Variants in HELLS observed in about 807,000 individuals in gnomAD.
HELLS encodes the protein helicase, lymphoid specific.
HELLS carries 32 observed loss-of-function variants against 120.0 expected under a neutral mutation model. The ratio of observed to expected loss-of-function variants is 0.27; its 90% CI spans 0.20 to 0.36. The LOEUF is 0.36. HELLS is among the 10% of genes least tolerant of loss of function. HELLS has a pLI of 1.00. For missense variants in HELLS, 650 were observed against 993.4 expected (o/e 0.65, Z 4.65); for synonymous variants, 341 against 323.4 (o/e 1.05, Z -0.58).
chr10:94,554,352 C>T (rs549650751), intron 3 of HELLS, 104 bp downstream of exon 3: 49 of 779,356 alleles, frequency 6.3e-5, no homozygotes, highest in South Asian at 5.5e-4. Context: ...TTTAAGTGTA[C>T]GGTTTGCTGA....
chr10:94,571,839 G>A lies in HELLS; in HGVS notation c.477+410G>A, dbSNP rs77410325. Among the ~76,000 whole-genome samples, 41 of 152,188 alleles carry A rather than the reference G, an allele frequency of 2.7e-4. No individual in the cohort carries two copies. The East Asian group carries it at 5.4e-3, about 20-fold the overall frequency. ...TTCTGTTTGAGAAGGCTTGATTTCC[G>A]AGCCACCTCTTCACTTAGCCCATTT... is the stretch of plus-strand genomic sequence containing the variant. On this transcript the variant is annotated intron_variant, in intron 7 of 21. Coordinates refer to ENST00000348459, the MANE Select transcript of HELLS (RefSeq NM_018063.5).
chr10:94,547,744 G>T (rs1186508218), intron 2 of HELLS, among the ~76,000 whole-genome samples: 2 of 152,136 alleles, frequency 1.3e-5, no homozygotes, highest in African/African-American at 4.8e-5. Context: ...GGAAACTGAG[G>T]CACATAGAGG....
chr10:94,571,476 C>T (rs1409974136), intron 7 of HELLS, 47 bp downstream of exon 7: 1 of 1,390,176 alleles, frequency 7.2e-7, no homozygotes, highest in Non-Finnish European at 1.0e-6. Context: ...CATATTTACT[C>T]CTCAGTTACT....
intron 13 of HELLS, among the ~76,000 whole-genome samples, chr10:94,590,209 C>G (rs187159039): frequency 6.6e-6 from 1 of 152,292 alleles, no homozygotes; most frequent in African/African-American, 2.4e-5. Context: ...ATACACCCTT[C>G]ATTTTTACCT....
chr10:94,573,932 C>T (rs944998783), intron 7 of HELLS, 28 bp from the exon 8 acceptor site: 10 of 1,320,300 alleles, frequency 7.6e-6, no homozygotes, highest in Non-Finnish European at 1.1e-5. Flanking sequence ...TTGTATAACA[C>T]ATCTTATTAA....
chr10:94,592,175 AC>A, intron 15 of HELLS, 53 bp from the exon 16 acceptor site: 2 of 1,373,088 alleles, frequency 1.5e-6, no homozygotes, highest in Non-Finnish European at 2.0e-6. Context: ...TTTTGTTTTA[AC>A]AAAGCAAATA....
At chr10:94,592,361 A>G (rs755171557) in intron 16 of HELLS, 34 bp from the exon 17 acceptor site, 17 of 1,580,492 alleles carry the variant, frequency 1.1e-5, no homozygotes, top group Admixed American at 7.6e-5. Flanking sequence ...TTTTTTATCA[A>G]TCATTAGAAA....
At chr10:94,581,275 A>G (rs773817346) in intron 10 of HELLS, 51 bp from the exon 11 acceptor site, 1 of 1,165,592 alleles carries the variant, frequency 8.6e-7, no homozygotes, top group Admixed American at 2.6e-5. Flanking sequence ...TCTTGTTAGA[A>G]AAATTGTGAG....
At chr10:94,556,419 C>T (rs1220327426) in intron 3 of HELLS, among the ~76,000 whole-genome samples, 1 of 151,634 alleles carries the variant, frequency 6.6e-6, no homozygotes, top group African/African-American at 2.4e-5. Flanking sequence ...TTTTTTATTC[C>T]TGAGAAGGAT....
rs113368514 is a variant in HELLS, at chr10:94,550,182, A to T, written c.153+3684A>T. Among the ~76,000 whole-genome samples, 483 of 150,860 alleles carry T rather than the reference A, an allele frequency of 3.2e-3. 1 individual carries two copies. Among genetic ancestry groups the T allele is most frequent in the African/African-American group, 0.011 (465 of 41,232 alleles). The stretch of plus-strand genomic sequence containing the variant: ...TGATCCGCCCGTCTTGACCTCCTAA[A>T]GTGCTGGGATTACAGGCATTAGCCA... On this transcript the variant is annotated intron_variant, in intron 2 of 21. Coordinates refer to ENST00000348459, the MANE Select transcript of HELLS (RefSeq NM_018063.5).
chr10:94,557,128 T>C, intron 3 of HELLS: 1 of 363,866 alleles, frequency 2.7e-6, no homozygotes, highest in Non-Finnish European at 5.6e-6. Context: ...CCATTGCACT[T>C]TTCATCTGAT....
intron 12 of HELLS, chr10:94,584,131 A>G: frequency 7.7e-7 from 1 of 1,303,010 alleles, no homozygotes; most frequent in Non-Finnish European, 1.0e-6. Flanking sequence ...TTGAGGTTAG[A>G]AGTCCTTTTC....
chr10:94,551,369 C>T (rs1219267565), intron 2 of HELLS, among the ~76,000 whole-genome samples: 1 of 151,938 alleles, frequency 6.6e-6, no homozygotes, highest in Admixed American at 6.6e-5. Flanking sequence ...AGTTCAAGAG[C>T]AGCCTGGCCA....
Position 94,574,293 on chromosome 10 carries a change from T to C in HELLS, c.705+106T>C, listed in dbSNP as rs565615984. ...TCATTTCTATCATGTTTCACTATTA[T>C]ACATTTGTATGTGGATACTTGCTTT... On this transcript the variant is annotated intron_variant, in intron 8 of 21. Transcript: ENST00000348459. 1.3e-4 allele frequency: 98 copies of C among 781,260 alleles called. 1 individual carries two copies. Among genetic ancestry groups the C allele is most frequent in the Non-Finnish European group, 1.7e-4 (82 of 476,496 alleles). 48.4% of individuals were successfully genotyped at this position (781,260 alleles called of 1,614,324 possible).
At position 94,581,411 on chromosome 10, in the gene HELLS, T is replaced by C. The variant is rs1177496694; in HGVS notation, c.1118T>C (p.Phe373Ser). The C allele has an allele frequency of 6.2e-7, 1 of 1,612,138 alleles. No individual in the cohort carries two copies. The highest frequency in any genetic ancestry group is 1.3e-5 in the African/African-American group (1 of 74,906). The change falls in exon 11 of 22, where the codon TTC (phenylalanine) becomes TCC (serine). Residue 373 changes from phenylalanine to serine, a missense_variant. This residue lies in a region of HELLS where 48 missense variants were observed against 127.0 expected (regional missense o/e 0.38). Transcript: ENST00000348459. ...CGTCTAATCAGGGAGTTAAAACGATTCAATGCTGATAACAAACTTCTTTTG... is the reference window on the plus strand; with the variant it reads ...CGTCTAATCAGGGAGTTAAAACGATCCAATGCTGATAACAAACTTCTTTTG... ...KCRLIRELKR[F>S]NADNKLLLTG...
intron 15 of HELLS, among the ~76,000 whole-genome samples, chr10:94,590,998 A>C (rs950114146): frequency 2.0e-5 from 3 of 152,072 alleles, no homozygotes; most frequent in African/African-American, 7.2e-5. Flanking sequence ...CTAGTTTTTT[A>C]AATTTTTTTA....
intron 2 of HELLS, among the ~76,000 whole-genome samples, chr10:94,550,623 C>T (rs1401826529): frequency 6.6e-6 from 1 of 151,996 alleles, no homozygotes; most frequent in African/African-American, 2.4e-5. Flanking sequence ...GGCGCGGTGG[C>T]TCATGCCTGT....
intron 13 of HELLS, among the ~76,000 whole-genome samples, chr10:94,589,393 G>A (rs992774433): frequency 6.6e-6 from 1 of 152,148 alleles, no homozygotes; most frequent in African/African-American, 2.4e-5. Context: ...GCTTATTGGA[G>A]CATTTGTATT....
At position 94,578,027 on chromosome 10, in the gene HELLS, C is replaced by T. The variant is rs575447952; in HGVS notation, c.1032+1222C>T. 7.7e-3 allele frequency among the ~76,000 whole-genome samples: 1,054 copies of T among 137,564 alleles called. 16 individuals carry two copies. The highest frequency in any genetic ancestry group is 0.028 in the African/African-American group (1,015 of 36,494). The allele number at this position is 137,564 out of a possible 152,430, so 90.2% of individuals were successfully genotyped here. On this transcript the variant is annotated intron_variant, in intron 10 of 21. Transcript: ENST00000348459. Reference sequence around the variant, plus strand: ...GCAGTGAGCCGAGATTGCGCCACTGCAGTCCGCAGTCCGGCCTGGGCCGAC... The same window carrying T: ...GCAGTGAGCCGAGATTGCGCCACTGTAGTCCGCAGTCCGGCCTGGGCCGAC...
Sources: allele counts gnomAD v4.1 joint callset (sites outside exome capture counted in the v4.1 genomes callset), GRCh38; gene constraint gnomAD v4.1.1; regional missense constraint gnomAD v4.1.1; transcripts MANE v1.5; gene names NCBI Gene and HGNC (gene_info 2026-07-23, HGNC 2026-07-21).